The following CFAP99 variants were observed in gnomAD, a reference collection of about 807,000 sequenced individuals.
The protein encoded by CFAP99 is cilia- and flagella-associated protein 99.
CFAP99 carries 84 observed loss-of-function variants against 82.7 expected under a neutral mutation model. The ratio of observed to expected loss-of-function variants is 1.02; its 90% CI spans 0.85 to 1.22. The LOEUF is 1.22. CFAP99 is among the 50% of genes most tolerant of loss of function. The pLI is 0.00. For missense variants in CFAP99, 1,059 were observed against 983.5 expected (o/e 1.08, Z -1.03); for synonymous variants, 456 against 429.5 (o/e 1.06, Z -0.76).
intron 4 of CFAP99, among the ~76,000 whole-genome samples, 180 bp from the exon 5 acceptor site, chr4:2,442,939 GGGGGGAGCCAC>G (rs1211340315): frequency 2.8e-4 from 20 of 71,236 alleles, no homozygotes; most frequent in Non-Finnish European, 4.7e-4. Flanking sequence ...TGGGGGCCTT[GGGGGGAGCCAC>G]TGGGGGTGCT....
intron 6 of CFAP99, among the ~76,000 whole-genome samples, 193 bp from the exon 7 acceptor site, chr4:2,449,477 C>G (rs1220177272): frequency 6.6e-6 from 1 of 151,826 alleles, no homozygotes; most frequent in Admixed American, 6.6e-5. Context: ...CCAGCCTGAC[C>G]TCCTTCCCTT....
intron 13 of CFAP99, among the ~76,000 whole-genome samples, chr4:2,459,641 C>G (rs532554972): frequency 1.3e-5 from 2 of 152,332 alleles, no homozygotes. Context: ...GGAGGGCCTG[C>G]CGGAAGCCCG....
intron 8 of CFAP99, 83 bp downstream of exon 8, chr4:2,450,088 T>A (rs367670774): frequency 6.0e-6 from 8 of 1,327,158 alleles, no homozygotes; most frequent in African/African-American, 5.8e-5. Context: ...GCCATCGCAG[T>A]GACCACTTAT....
intron 2 of CFAP99, among the ~76,000 whole-genome samples, chr4:2,436,423 A>C (rs1733907830): frequency 6.6e-6 from 1 of 152,174 alleles, no homozygotes. Flanking sequence ...TTCAGCGTAG[A>C]GTTCCGTGGG....
In CFAP99 at chr4:2,462,354, C is replaced by A; in HGVS notation, c.1662-89C>A. The A allele has an allele frequency of 7.8e-7, 1 of 1,278,032 alleles. No homozygotes were observed. Among genetic ancestry groups the A allele is most frequent in the South Asian group, 1.8e-5 (1 of 55,732 alleles). 79.2% of individuals were successfully genotyped at this position (1,278,032 alleles called of 1,614,324 possible). A position where few individuals can be genotyped will look rare whatever the true frequency, so the allele number is the denominator to read the frequency against. ...ACCTCTCCGGCTGCGTAGCTCCTTGCCCCCGCGTCGCTTGGACACGGGTGG... is the reference window on the plus strand; with the variant it reads ...ACCTCTCCGGCTGCGTAGCTCCTTGACCCCGCGTCGCTTGGACACGGGTGG... On this transcript the variant is annotated intron_variant, in intron 14 of 14. Transcript: ENST00000635017. This position sits in a 1 kb window ranked among gnomAD's most constrained non-coding sequence, Gnocchi z 4.1.
chr4:2,438,679 A>C (rs537516343), intron 4 of CFAP99, among the ~76,000 whole-genome samples: 1 of 152,064 alleles, frequency 6.6e-6, no homozygotes, highest in African/African-American at 2.4e-5. Context: ...CTGAAGCGGG[A>C]GGATCACTTG....
intron 1 of CFAP99, among the ~76,000 whole-genome samples, chr4:2,424,688 T>C (rs1477528947): frequency 6.6e-6 from 1 of 152,196 alleles, no homozygotes; most frequent in African/African-American, 2.4e-5. Context: ...CAGTGTCACC[T>C]TGGGGCTACC....
chr4:2,424,310 C>T (rs1228119751), intron 1 of CFAP99, among the ~76,000 whole-genome samples: 1 of 152,154 alleles, frequency 6.6e-6, no homozygotes, highest in African/African-American at 2.4e-5. Context: ...CAAAAAATAG[C>T]CACATGGTGG....
intron 8 of CFAP99, among the ~76,000 whole-genome samples, chr4:2,450,643 T>C (rs1452608803): frequency 6.6e-6 from 1 of 151,692 alleles, no homozygotes; most frequent in African/African-American, 2.4e-5. Flanking sequence ...GCTCTGGGGG[T>C]GGCTGAGGAG....
rs978231710 is a variant in CFAP99, at chr4:2,462,791, C to G, written c.2010C>G (p.Asp670Glu). ...GTGGGGGCGTCCCTGCCCGCGCCGA[C>G]GCGTTCCCCGGCCTGCAGGCGCAGC... The change falls in exon 15 of 15, where the codon GAC (aspartate) becomes GAG (glutamate). Residue 670 changes from aspartate (D) to glutamate (E), a missense_variant. Asp to Glu is a conservative substitution (Grantham distance 45, BLOSUM62 2). Transcript: ENST00000635017. The surrounding 1 kb of genome is among the most constrained non-coding windows in gnomAD (Gnocchi z 4.1). The G allele has an allele frequency of 7.8e-7, 1 of 1,288,484 alleles. No individual in the cohort carries two copies. Among genetic ancestry groups the G allele is most frequent in the East Asian group, 3.3e-5 (1 of 30,400 alleles). 79.8% of individuals were successfully genotyped at this position (1,288,484 alleles called of 1,614,324 possible).
rs10632358 is a variant in CFAP99 at position 2,421,350 on chromosome 4, C to CTTTTTTT, written c.-18+2273_-18+2279dup. 7.2e-4 allele frequency among the ~76,000 whole-genome samples: 70 copies of CTTTTTTT among 96,962 alleles called. 2 individuals carry two copies. The highest frequency in any genetic ancestry group is 1.2e-3 in the East Asian group (3 of 2,596). The allele number at this position is 96,962 out of a possible 152,430, so 63.6% of individuals were successfully genotyped here. A position where few individuals can be genotyped will look rare whatever the true frequency, so the allele number is the denominator to read the frequency against. The stretch of plus-strand genomic sequence containing the variant: ...AAAGAGAAGCTTTAGTCTGCCCACC[C>CTTTTTTT]TTTTTTTTTTTTTTTTTTTTTTGAG... On this transcript the variant is annotated intron_variant, in intron 1 of 14. Transcript: ENST00000635017.
chr4:2,430,827 C>T (rs1410337274), intron 2 of CFAP99, among the ~76,000 whole-genome samples: 1 of 151,434 alleles, frequency 6.6e-6, no homozygotes, highest in Non-Finnish European at 1.5e-5. Context: ...AATCTCAGCA[C>T]GTTGGGAGGC....
intron 11 of CFAP99, 100 bp from the exon 12 acceptor site, chr4:2,458,623 G>C (rs1734491475): frequency 2.1e-6 from 3 of 1,408,340 alleles, no homozygotes; most frequent in Non-Finnish European, 2.8e-6. Context: ...CAGGGACTGG[G>C]TCCACCTTCA....
At chr4:2,432,464 C>T (rs1004359693) in intron 2 of CFAP99, among the ~76,000 whole-genome samples, 3 of 152,206 alleles carry the variant, frequency 2.0e-5, no homozygotes, top group Non-Finnish European at 4.4e-5. Context: ...CCTCCGTTTC[C>T]TTTGCCTACT....
intron 2 of CFAP99, among the ~76,000 whole-genome samples, chr4:2,432,157 A>G (rs1733813259): frequency 6.6e-6 from 1 of 152,208 alleles, no homozygotes; most frequent in Non-Finnish European, 1.5e-5. Flanking sequence ...CATCCTTAAC[A>G]TGTACTGTTG....
At chr4:2,423,387 C>G (rs1285744835) in intron 1 of CFAP99, among the ~76,000 whole-genome samples, 1 of 152,236 alleles carries the variant, frequency 6.6e-6, no homozygotes, top group Non-Finnish European at 1.5e-5. Context: ...AAGCTTAAGG[C>G]CCTGCCCTGA....
At chr4:2,421,437 C>T (rs1560374684) in intron 1 of CFAP99, among the ~76,000 whole-genome samples, 1 of 147,836 alleles carries the variant, frequency 6.8e-6, no homozygotes, top group Non-Finnish European at 1.5e-5. Context: ...TCACTGCGAC[C>T]TCTGCCTCCC....
intron 8 of CFAP99, among the ~76,000 whole-genome samples, chr4:2,450,521 C>T (rs937382619): frequency 6.6e-6 from 1 of 152,162 alleles, no homozygotes; most frequent in South Asian, 2.1e-4. Context: ...TGCAGCCACT[C>T]CCCTCACTGC....
At chr4:2,450,125 G>A in intron 8 of CFAP99, 120 bp downstream of exon 8, 4 of 1,019,206 alleles carry the variant, frequency 3.9e-6, no homozygotes, top group South Asian at 1.4e-5. Flanking sequence ...GAGGGCCGGG[G>A]AGGGGCGGAT....
Sources: gnomAD v4.1 joint callset for allele counts (sites outside exome capture counted in the v4.1 genomes callset) on GRCh38, gnomAD v4.1.1 for gene constraint, Gnocchi (gnomAD v3.1) non-coding constraint, MANE v1.5 for transcripts, NCBI Gene and HGNC (gene_info 2026-07-23, HGNC 2026-07-21) for gene names.